Variants in PDPN observed in about 807,000 individuals in gnomAD.
PDPN encodes podoplanin, also known as PA2.26 antigen.
Under a neutral mutation model 23.2 loss-of-function variants are expected in PDPN, and 12 were observed. That is an observed-to-expected ratio of 0.52 (90% CI 0.33 to 0.84). The LOEUF (loss-of-function observed/expected upper bound fraction) is 0.84, where lower values mean the gene tolerates loss of function less well. Among genes scored for constraint, PDPN ranks in the 40% least tolerant of loss-of-function variants. The pLI is 0.02. For synonymous variants in PDPN, 77 were observed against 76.7 expected (o/e 1.00, Z -0.02); for missense variants, 199 against 212.2 (o/e 0.94, Z 0.39).
In PDPN at chr1:13,607,222, C is replaced by A. The variant is rs368225008; in HGVS notation, c.117C>A (p.Gly39=). 1 of 1,613,968 alleles carries A rather than the reference C, an allele frequency of 6.2e-7. No homozygotes were observed. The highest frequency in any genetic ancestry group is 8.5e-7 in the Non-Finnish European group (1 of 1,179,848). The part of the protein sequence containing the change: ...EDDTETTGLE[G]GVAMPGAEDD... ...ACACTGAGACTACAGGTTTGGAAGG[C>A]GGCGTTGCCATGCCAGGTGCCGAAG... The change falls in exon 2 of 6, where the codon GGC becomes GGA. Residue 39 remains glycine, a synonymous_variant. Coordinates refer to ENST00000621990, the MANE Select transcript of PDPN (RefSeq NM_006474.5).
chr1:13,589,505 G>A (rs532512863), intron 1 of PDPN, among the ~76,000 whole-genome samples: 4 of 152,120 alleles, frequency 2.6e-5, no homozygotes, highest in Non-Finnish European at 4.4e-5. Context: ...AGTGCTTAGC[G>A]TGTGTGAACC....
chr1:13,606,009 C>CT (rs1293075318), intron 1 of PDPN, among the ~76,000 whole-genome samples: 132 of 148,406 alleles, frequency 8.9e-4, no homozygotes, highest in Middle Eastern at 3.5e-3. Context: ...TAGTTTGGCT[C>CT]TTTTTTTTTT....
At chr1:13,587,476 G>A (rs1029591389) in intron 1 of PDPN, among the ~76,000 whole-genome samples, 7 of 152,078 alleles carry the variant, frequency 4.6e-5, no homozygotes, top group African/African-American at 1.7e-4. Flanking sequence ...TACGACGGGG[G>A]AGGAGGAGGA....
chr1:13,598,096 A>C (rs919176813), intron 1 of PDPN, among the ~76,000 whole-genome samples: 6 of 151,792 alleles, frequency 4.0e-5, no homozygotes, highest in Non-Finnish European at 8.8e-5. Context: ...GCTCACTGCA[A>C]CTTCTACCTC....
At chr1:13,609,172 C>T (rs372349) in intron 2 of PDPN, among the ~76,000 whole-genome samples, 56,467 of 151,984 alleles carry the variant, frequency 0.37, 10,663 homozygotes, top group South Asian at 0.53. Flanking sequence ...GAAATATTTA[C>T]CCATCTGGCC....
intron 1 of PDPN, among the ~76,000 whole-genome samples, chr1:13,603,645 G>A (rs1640706328): frequency 1.3e-5 from 2 of 150,776 alleles, no homozygotes; most frequent in South Asian, 2.1e-4. Flanking sequence ...CTGGAGTGCA[G>A]TGGCATGATC....
chr1:13,614,277 CTT>C, intron 4 of PDPN, 21 bp from the exon 5 acceptor site: 1 of 1,330,396 alleles, frequency 7.5e-7, no homozygotes, highest in Non-Finnish European at 1.1e-6. Context: ...GGGGCTCATG[CTT>C]TTTTTCTCTC....
At chr1:13,615,113 G>A (rs1488157072) in intron 5 of PDPN, among the ~76,000 whole-genome samples, 1 of 152,080 alleles carries the variant, frequency 6.6e-6, no homozygotes, top group African/African-American at 2.4e-5. Flanking sequence ...CTGAGGATGG[G>A]GTCTTTTTCA....
In PDPN at chr1:13,613,732, T is replaced by C; in HGVS notation, c.370+7T>C. 6.7e-7 allele frequency: 1 copy of C among 1,489,124 alleles called. No homozygotes were observed. Among genetic ancestry groups the C allele is most frequent in the Non-Finnish European group, 9.4e-7 (1 of 1,067,082 alleles). The allele number at this position is 1,489,124 out of a possible 1,614,324, so 92.2% of individuals were successfully genotyped here. A position where few individuals can be genotyped will look rare whatever the true frequency, so the allele number is the denominator to read the frequency against. On this transcript the variant is annotated splice_region_variant and intron_variant, in intron 4 of 5. Transcript: ENST00000621990. ...CAGACAACAGTTGAGAAAGGTAGGC[T>C]AGATTTTGGCATCAAAATACTCTTA...
intron 1 of PDPN, among the ~76,000 whole-genome samples, chr1:13,596,835 G>T (rs941982779): frequency 6.6e-6 from 1 of 152,168 alleles, no homozygotes; most frequent in African/African-American, 2.4e-5. Context: ...TTGACTGAGG[G>T]AAGCAACAGC....
intron 1 of PDPN, chr1:13,585,520 G>A (rs1329928319): frequency 7.4e-7 from 1 of 1,350,898 alleles, no homozygotes; most frequent in African/African-American, 1.5e-5. Context: ...CAAAGCAAGG[G>A]AGCGCCCTCA....
chr1:13,606,770 T>G (rs539640257), intron 1 of PDPN, among the ~76,000 whole-genome samples: 2 of 152,248 alleles, frequency 1.3e-5, no homozygotes, highest in African/African-American at 4.8e-5. Flanking sequence ...TTTAGAAATC[T>G]TTCCTGTTGA....
chr1:13,594,229 G>T (rs1640429482), intron 1 of PDPN, among the ~76,000 whole-genome samples: 2 of 152,194 alleles, frequency 1.3e-5, no homozygotes, highest in Non-Finnish European at 2.9e-5. Context: ...ATGCTGGTGG[G>T]GAGGAGGTAG....
rs142084255 is a variant in PDPN at position 13,583,924 on chromosome 1, C to T, written c.-110C>T. 9.3e-6 allele frequency: 15 copies of T among 1,612,834 alleles called. No individual in the cohort carries two copies. Among genetic ancestry groups the T allele is most frequent in the Middle Eastern group, 1.6e-4 (1 of 6,080 alleles). On this transcript the variant is annotated 5_prime_UTR_variant, in exon 1 of 6. Transcript: ENST00000621990. ...CCTGCTCCCACCCCTCCGGCCCCCC[C>T]ACCGTCGCGCTCCTCCAGGCTGGGC...
intron 1 of PDPN, among the ~76,000 whole-genome samples, chr1:13,586,455 C>T (rs945983418): frequency 3.9e-5 from 6 of 152,056 alleles, no homozygotes; most frequent in Admixed American, 2.0e-4. Flanking sequence ...TAAGTCTGGA[C>T]GTGGCCAAAG....
chr1:13,598,223 G>T (rs373216156), intron 1 of PDPN, among the ~76,000 whole-genome samples: 2 of 151,948 alleles, frequency 1.3e-5, no homozygotes, highest in Admixed American at 1.3e-4. Flanking sequence ...TGCCATGTTG[G>T]CCAGACTGGT....
At chr1:13,611,714 G>A (rs1301624878) in intron 3 of PDPN, among the ~76,000 whole-genome samples, 2 of 152,130 alleles carry the variant, frequency 1.3e-5, no homozygotes, top group African/African-American at 4.8e-5. Context: ...TTTAAAAATG[G>A]TTAATTTAGT....
At chr1:13,584,151 G>C (rs1380601037) in intron 1 of PDPN, 51 bp downstream of exon 1, 1 of 1,591,858 alleles carries the variant, frequency 6.3e-7, no homozygotes, top group Non-Finnish European at 8.6e-7. Flanking sequence ...GGACGAGCGA[G>C]CAGAGACTTG....
chr1:13,604,802 A>G (rs1640740993), intron 1 of PDPN, among the ~76,000 whole-genome samples: 1 of 152,220 alleles, frequency 6.6e-6, no homozygotes, highest in South Asian at 2.1e-4. Flanking sequence ...GATATTTCCC[A>G]TTGAGCTCAA....
Sources: gnomAD v4.1 joint callset for allele counts (sites outside exome capture counted in the v4.1 genomes callset) on GRCh38, gnomAD v4.1.1 for gene constraint, MANE v1.5 for transcripts, NCBI Gene and HGNC (gene_info 2026-07-23, HGNC 2026-07-21) for gene names.